Variants in CDC42BPA observed in about 807,000 individuals in gnomAD.
The protein encoded by CDC42BPA is CDC42 binding protein kinase alpha, also known as serine/threonine-protein kinase MRCK alpha.
Under a neutral mutation model 223.5 loss-of-function variants are expected in CDC42BPA, and 80 were observed. The observed-to-expected ratio is 0.36, with a 90% CI of 0.30 to 0.43. The LOEUF is 0.43. CDC42BPA is among the 20% of genes least tolerant of loss of function. The probability of loss-of-function intolerance (pLI) is 1.00; values close to 1 mark genes in which losing one functional copy is unlikely to be tolerated. For synonymous variants in CDC42BPA, 694 were observed against 718.6 expected, an observed-to-expected ratio of 0.97 and a Z score of 0.55; for missense variants, 1,743 against 2,099.9, an observed-to-expected ratio of 0.83 and a Z score of 3.32.
At chr1:227,282,777 C>T (rs777156889) in intron 1 of CDC42BPA, among the ~76,000 whole-genome samples, 2 of 152,064 alleles carry the variant, frequency 1.3e-5, no homozygotes, top group Non-Finnish European at 2.9e-5. Context: ...TCATGAGGTA[C>T]TTAAGAGTAG....
At chr1:227,204,496 T>C (rs1672323973) in intron 3 of CDC42BPA, among the ~76,000 whole-genome samples, 1 of 152,142 alleles carries the variant, frequency 6.6e-6, no homozygotes. Context: ...ATCCCAGAGT[T>C]TGACTAGCAA....
chr1:227,229,584 G>C (rs2147958732), intron 2 of CDC42BPA, among the ~76,000 whole-genome samples: 1 of 152,262 alleles, frequency 6.6e-6, no homozygotes, highest in African/African-American at 2.4e-5. Context: ...TGTATCTGTA[G>C]ATCAATTTGG....
At chr1:227,114,617 A>G (rs1415826235) in intron 12 of CDC42BPA, among the ~76,000 whole-genome samples, 1 of 152,320 alleles carries the variant, frequency 6.6e-6, no homozygotes, top group East Asian at 1.9e-4. Flanking sequence ...ATACTGGCCA[A>G]TAACAACACA....
chr1:227,115,869 G>C (rs757745147), intron 12 of CDC42BPA, among the ~76,000 whole-genome samples: 8 of 136,060 alleles, frequency 5.9e-5, no homozygotes, highest in Admixed American at 2.2e-4. Context: ...AAAAAGAAAA[G>C]AGGAAAAAAA....
At chr1:227,047,864 T>A (rs1672765549) in intron 23 of CDC42BPA, 63 bp downstream of exon 23, 1 of 845,106 alleles carries the variant, frequency 1.2e-6, no homozygotes, top group Non-Finnish European at 1.9e-6. Context: ...TCACAGCAAA[T>A]GCATAGAGCA....
intron 1 of CDC42BPA, among the ~76,000 whole-genome samples, chr1:227,266,069 C>T (rs1180013479): frequency 1.3e-5 from 2 of 152,204 alleles, no homozygotes; most frequent in Non-Finnish European, 2.9e-5. Context: ...CTAATCTTCC[C>T]TTCTTCCTCA....
chr1:227,095,670 C>G (rs2149270182), intron 15 of CDC42BPA, among the ~76,000 whole-genome samples: 1 of 149,698 alleles, frequency 6.7e-6, no homozygotes, highest in African/African-American at 2.5e-5. Flanking sequence ...CAGCTCACTG[C>G]AATCTCCGCC....
At chr1:227,100,816 A>G (rs1684924143) in intron 15 of CDC42BPA, among the ~76,000 whole-genome samples, 176 bp downstream of exon 15, 2 of 149,796 alleles carry the variant, frequency 1.3e-5, no homozygotes, top group African/African-American at 4.9e-5. Flanking sequence ...AATTTTGTTC[A>G]GAATTATCAT....
chr1:227,087,948 G>A (rs943206681), intron 16 of CDC42BPA, among the ~76,000 whole-genome samples: 15 of 151,854 alleles, frequency 9.9e-5, no homozygotes, highest in African/African-American at 3.6e-4. Context: ...TTCCACATTT[G>A]TGGTTGGGGT....
chr1:227,025,474 C>T (rs1558310183), intron 31 of CDC42BPA, among the ~76,000 whole-genome samples: 2 of 152,152 alleles, frequency 1.3e-5, no homozygotes, highest in East Asian at 1.9e-4. Flanking sequence ...ATATATATCA[C>T]ATCTATCTAT....
At chr1:227,035,642 T>G in intron 24 of CDC42BPA, 35 bp from the exon 25 acceptor site, 1 of 1,536,850 alleles carries the variant, frequency 6.5e-7, no homozygotes, top group Non-Finnish European at 8.7e-7. Flanking sequence ...TTGATAAAAA[T>G]TCATTTTAAC....
At chr1:227,286,803 T>C (rs1688881616) in intron 1 of CDC42BPA, among the ~76,000 whole-genome samples, 1 of 152,200 alleles carries the variant, frequency 6.6e-6, no homozygotes, top group East Asian at 1.9e-4. Context: ...TGGTGAGGGC[T>C]TCAAGAAGCT....
intron 1 of CDC42BPA, among the ~76,000 whole-genome samples, chr1:227,300,679 G>A (rs1478317994): frequency 2.6e-5 from 4 of 152,060 alleles, no homozygotes; most frequent in African/African-American, 7.2e-5. Flanking sequence ...GAAGGGAGAA[G>A]GAAGAAAGGG....
chr1:227,171,183 T>G (rs752314985), intron 5 of CDC42BPA, among the ~76,000 whole-genome samples: 26 of 152,246 alleles, frequency 1.7e-4, no homozygotes, highest in Non-Finnish European at 2.9e-4. Context: ...ATTCAAGTTT[T>G]CCATAATTTG....
At chr1:227,014,492 T>G (rs1157920624) in intron 34 of CDC42BPA, among the ~76,000 whole-genome samples, 1 of 152,136 alleles carries the variant, frequency 6.6e-6, no homozygotes, top group East Asian at 1.9e-4. Flanking sequence ...AACTGAGATA[T>G]TTACAATGAA....
intron 22 of CDC42BPA, among the ~76,000 whole-genome samples, chr1:227,049,951 G>GA (rs1558377688): frequency 1.3e-5 from 2 of 151,718 alleles, no homozygotes; most frequent in Non-Finnish European, 2.9e-5. Flanking sequence ...TCTCTGCATA[G>GA]AGAACTGTTT....
At chr1:227,189,879 A>C (rs1027162964) in intron 5 of CDC42BPA, among the ~76,000 whole-genome samples, 1 of 152,196 alleles carries the variant, frequency 6.6e-6, no homozygotes, top group African/African-American at 2.4e-5. Context: ...CTATATTTTA[A>C]GTTCATGAAT....
chr1:227,269,418 G>A (rs1012048501), intron 1 of CDC42BPA, among the ~76,000 whole-genome samples: 4 of 152,104 alleles, frequency 2.6e-5, no homozygotes, highest in African/African-American at 9.7e-5. Context: ...GTAATACTAG[G>A]AAAATATAAT....
chr1:227,031,298 CTA>C lies in CDC42BPA; in HGVS notation c.3773_3774del (p.Ile1258ArgfsTer3). On this transcript the variant is annotated frameshift_variant and splice_region_variant, in exon 28 of 37. Transcript: ENST00000366766. LOFTEE classifies it high-confidence loss of function. ...TATGATAAATGTTATAAATTCATAC[CTA>C]TGATTGCGGCTGCCTGGGTTGTTTT... ...LIKTTQAAAI[I>X]DHERIALGNE... 1 of 1,606,574 alleles carries C rather than the reference CTA, an allele frequency of 6.2e-7. No homozygotes were observed. Among genetic ancestry groups the C allele is most frequent in the Non-Finnish European group, 8.5e-7 (1 of 1,173,350 alleles).
Sources: allele counts gnomAD v4.1 joint callset (sites outside exome capture counted in the v4.1 genomes callset), GRCh38; gene constraint gnomAD v4.1.1; transcripts MANE v1.5; gene names NCBI Gene and HGNC (gene_info 2026-07-23, HGNC 2026-07-21).